SEMA3A: variants seen among roughly 807,000 people sequenced by gnomAD.
The protein encoded by SEMA3A is semaphorin-3A.
SEMA3A carries 29 observed loss-of-function variants against 97.9 expected under a neutral mutation model. The ratio of observed to expected loss-of-function variants is 0.30; its 90% confidence interval spans 0.22 to 0.40. SEMA3A has a LOEUF of 0.40. SEMA3A is among the 10% of genes least tolerant of loss of function. SEMA3A has a pLI of 1.00. For missense variants in SEMA3A, 763 were observed against 951.3 expected (o/e 0.80, Z 2.60); for synonymous variants, 321 against 323.7 (o/e 0.99, Z 0.09).
At chr7:84,256,891 C>T (rs1212909832) in intron 3 of SEMA3A, among the ~76,000 whole-genome samples, 1 of 152,186 alleles carries the variant, frequency 6.6e-6, no homozygotes, top group South Asian at 2.1e-4. Flanking sequence ...TGAATTTTCT[C>T]TTCACTGGTG....
At position 84,091,051 on chromosome 7, in the gene SEMA3A, G is replaced by C. The variant is rs117232915; in HGVS notation, c.453+19419C>G. On this transcript the variant is annotated intron_variant, in intron 4 of 16. Coordinates refer to ENST00000265362, the MANE Select transcript of SEMA3A (RefSeq NM_006080.3). ...GATCATGCCATTGCACTGTAGCCTG[G>C]GGAACAGAGTGAGACTCCAACTCAA... Among the ~76,000 whole-genome samples the C allele has an allele frequency of 1.3e-3, 193 of 146,714 alleles. 1 individual carries two copies. In the East Asian group the frequency reaches 0.017, roughly 13 times the overall value.
chr7:83,985,816 T>C lies in SEMA3A; in HGVS notation c.1453-339A>G, dbSNP rs554851219. On this transcript the variant is annotated intron_variant, in intron 12 of 16. Transcript: ENST00000265362. ...CATGTTTTGGACTTGTGTTAGGTGA[T>C]TGGGGGAGGGTTCAAAGAAGTAGAG... is the stretch of plus-strand genomic sequence containing the variant. Among the ~76,000 whole-genome samples, 143 of 152,134 alleles carry C rather than the reference T, an allele frequency of 9.4e-4. 2 individuals carry two copies. The highest frequency in any genetic ancestry group is 3.1e-3 in the African/African-American group (130 of 41,528).
At chr7:84,139,410 C>A (rs1796233662) in intron 1 of SEMA3A, among the ~76,000 whole-genome samples, 1 of 152,004 alleles carries the variant, frequency 6.6e-6, no homozygotes, top group South Asian at 2.1e-4. Context: ...CATTTCAGAA[C>A]ACTCTTTAAT....
intron 1 of SEMA3A, among the ~76,000 whole-genome samples, chr7:84,177,411 T>A (rs928726433): frequency 2.0e-5 from 3 of 152,142 alleles, no homozygotes; most frequent in Admixed American, 2.0e-4. Flanking sequence ...TGTCCATTAT[T>A]GTTAAACAAG....
chr7:84,182,972 C>A (rs1394562618), intron 1 of SEMA3A, among the ~76,000 whole-genome samples: 3 of 152,108 alleles, frequency 2.0e-5, no homozygotes, highest in Non-Finnish European at 2.9e-5. Flanking sequence ...TTAATATAAT[C>A]TCCAAAGCAA....
chr7:84,199,202 A>G (rs1798300815), upstream of SEMA3A, among the ~76,000 whole-genome samples: 1 of 152,176 alleles, frequency 6.6e-6, no homozygotes, highest in Admixed American at 6.5e-5. Context: ...TCCAGAAAAG[A>G]ATATAAGGAG....
intron 6 of SEMA3A, among the ~76,000 whole-genome samples, chr7:84,021,394 C>T (rs1161044880): frequency 1.3e-5 from 2 of 152,110 alleles, no homozygotes; most frequent in Non-Finnish European, 2.9e-5. Context: ...TCGCCTTCAG[C>T]TTCTATATAT....
chr7:84,037,251 G>C (rs1413609392), intron 6 of SEMA3A, among the ~76,000 whole-genome samples: 3 of 151,748 alleles, frequency 2.0e-5, no homozygotes, highest in African/African-American at 7.3e-5. Context: ...AGCAACACCA[G>C]TTTTCCATAA....
At chr7:84,126,703 A>G (rs1795808045) in intron 3 of SEMA3A, among the ~76,000 whole-genome samples, 1 of 152,076 alleles carries the variant, frequency 6.6e-6, no homozygotes, top group African/African-American at 2.4e-5. Flanking sequence ...ACGTTAATAG[A>G]TTTTTGTTTG....
At chr7:83,980,603 C>CAAAAAAAAAAAAAAAA (rs749889921) in intron 14 of SEMA3A, among the ~76,000 whole-genome samples, 3 of 53,966 alleles carry the variant, frequency 5.6e-5, no homozygotes, top group Non-Finnish European at 1.1e-4. Context: ...GACTCCATCT[C>CAAAAAAAAAAAAAAAA]AAAAAAAAAA....
intron 4 of SEMA3A, among the ~76,000 whole-genome samples, chr7:84,064,976 G>GCACCA (rs1554317741): frequency 6.6e-6 from 1 of 152,184 alleles, no homozygotes; most frequent in Non-Finnish European, 1.5e-5. Context: ...CATTTTTTCG[G>GCACCA]CACCACACCA....
At chr7:84,002,556 G>C (rs1425920321) in intron 11 of SEMA3A, among the ~76,000 whole-genome samples, 1 of 152,202 alleles carries the variant, frequency 6.6e-6, no homozygotes, top group East Asian at 1.9e-4. Context: ...AAGGGAAGTA[G>C]TCAGAGCTTC....
chr7:84,264,593 C>T (rs531376119), intron 3 of SEMA3A, among the ~76,000 whole-genome samples: 1 of 152,254 alleles, frequency 6.6e-6, no homozygotes, highest in South Asian at 2.1e-4. Context: ...ATCTGAAATG[C>T]TCATCATAAC....
At chr7:84,231,738 T>C (rs1799120526) in intron 3 of SEMA3A, among the ~76,000 whole-genome samples, 1 of 149,774 alleles carries the variant, frequency 6.7e-6, no homozygotes, top group South Asian at 2.1e-4. Flanking sequence ...CCTGAGGACA[T>C]CCTTTGGCTG....
intron 1 of SEMA3A, among the ~76,000 whole-genome samples, chr7:84,423,395 C>A (rs555420323): frequency 6.6e-6 from 1 of 152,056 alleles, no homozygotes; most frequent in East Asian, 1.9e-4. Context: ...TGCCTTGAGA[C>A]CTTTGATTTG....
In SEMA3A at chr7:84,011,076, A is replaced by G. The variant is rs749538758; in HGVS notation, c.941T>C (p.Met314Thr). 1.9e-6 allele frequency: 3 copies of G among 1,612,514 alleles called. No individual in the cohort carries two copies. The Admixed American group carries it at 5.0e-5, about 27-fold the overall frequency. The part of the protein sequence containing the change: ...HFDELQDVFL[M>T]NFKDPKNPVV... Reference sequence around the variant, plus strand: ...TGGATTTTTAGGATCTTTAAAGTTCATTAGGAATACATCCTCTGTTTAAAA... The same window carrying G: ...TGGATTTTTAGGATCTTTAAAGTTCGTTAGGAATACATCCTCTGTTTAAAA... The change falls in exon 9 of 17, where the codon ATG (methionine) becomes ACG (threonine). Residue 314 changes from methionine to threonine, a missense_variant. By Grantham distance (81) the Met-to-Thr change is moderately conservative. Coordinates refer to ENST00000265362, the MANE Select transcript of SEMA3A (RefSeq NM_006080.3).
intron 3 of SEMA3A, among the ~76,000 whole-genome samples, chr7:84,205,785 T>C (rs180891580): frequency 2.0e-5 from 3 of 152,294 alleles, no homozygotes; most frequent in Admixed American, 6.5e-5. Context: ...TTCATTCCTA[T>C]TGTAGTCCCT....
rs913550462 is a variant in SEMA3A, at chr7:84,091,143, G to A, written c.453+19327C>T. On this transcript the variant is annotated intron_variant, in intron 4 of 16. Coordinates refer to ENST00000265362, the MANE Select transcript of SEMA3A (RefSeq NM_006080.3). The stretch of plus-strand genomic sequence containing the variant: ...GAAAAAGAAAGAAAGAAAGAAGGAA[G>A]GAAGGAAGGAAGGAAGGAAGGAAGG... Among the ~76,000 whole-genome samples, 56 of 20,010 alleles carry A rather than the reference G, an allele frequency of 2.8e-3. 1 individual carries two copies. The highest frequency in any genetic ancestry group is 3.5e-3 in the Admixed American group (4 of 1,140). The allele number at this position is 20,010 out of a possible 152,430, so 13.1% of individuals were successfully genotyped here. A position where few individuals can be genotyped will look rare whatever the true frequency, so the allele number is the denominator to read the frequency against.
chr7:84,314,968 AT>A (rs1801456005), intron 2 of SEMA3A, among the ~76,000 whole-genome samples: 1 of 152,214 alleles, frequency 6.6e-6, no homozygotes, highest in South Asian at 2.1e-4. Context: ...ACATAGTACT[AT>A]AAAATCATGA....
Sources: allele counts gnomAD v4.1 joint callset (sites outside exome capture counted in the v4.1 genomes callset), GRCh38; gene constraint gnomAD v4.1.1; transcripts MANE v1.5; gene names NCBI Gene and HGNC (gene_info 2026-07-23, HGNC 2026-07-21).